THTPA: variants seen among roughly 807,000 people sequenced by gnomAD.
The protein encoded by THTPA is thiamine triphosphatase.
THTPA carries 16 observed loss-of-function variants against 16.5 expected under a neutral mutation model. The ratio of observed to expected loss-of-function variants is 0.97; its 90% CI spans 0.66 to 1.47. The LOEUF (loss-of-function observed/expected upper bound fraction) is 1.47. Among genes scored for constraint, THTPA ranks in the 40% most tolerant of loss-of-function variants. The probability of loss-of-function intolerance (pLI) is 0.00; values close to 1 mark genes in which losing one functional copy is unlikely to be tolerated. For missense variants in THTPA, 281 were observed against 280.9 expected (o/e 1.00, Z 0.00); for synonymous variants, 110 against 115.5 (o/e 0.95, Z 0.30).
At chr14:23,541,540 C>G in the THTPA span, among the ~76,000 whole-genome samples, 26 of 151,658 alleles carry the variant, frequency 1.7e-4, no homozygotes, top group Admixed American at 7.9e-4. Flanking sequence ...GCCCACCTCG[C>G]CCTCCCAAAG....
intron 1 of THTPA, among the ~76,000 whole-genome samples, chr14:23,557,780 A>C (rs1490965009): frequency 1.3e-5 from 2 of 150,514 alleles, no homozygotes; most frequent in Non-Finnish European, 3.0e-5. Flanking sequence ...TTCAGTCACC[A>C]CTCCTCCACA....
At chr14:23,522,609 G>A in the THTPA span, 4 of 1,532,270 alleles carry the variant, frequency 2.6e-6, no homozygotes, top group South Asian at 3.6e-5. Context: ...ACAGCTGGCG[G>A]TGCTGTTCCC....
the THTPA span, chr14:23,532,576 T>C: frequency 1.4e-6 from 2 of 1,441,708 alleles, no homozygotes; most frequent in South Asian, 2.9e-5. Flanking sequence ...CCTTATAGAT[T>C]TGGCTGTTTT....
the THTPA span, chr14:23,534,807 A>G: frequency 2.6e-6 from 4 of 1,536,040 alleles, no homozygotes; most frequent in African/African-American, 1.4e-5. This position sits in a 1 kb window ranked among gnomAD's most constrained non-coding sequence, Gnocchi z 4.5. Context: ...GGTCAAAGCC[A>G]TGTTGGATGT....
the THTPA span, chr14:23,532,601 C>T: frequency 1.4e-6 from 2 of 1,452,236 alleles, no homozygotes; most frequent in Non-Finnish European, 1.8e-6. Flanking sequence ...GTGGGCTGCA[C>T]CCCTGGCATG....
upstream of THTPA, among the ~76,000 whole-genome samples, chr14:23,552,603 G>T (rs1882060287): frequency 6.8e-6 from 1 of 147,452 alleles, no homozygotes; most frequent in Non-Finnish European, 1.5e-5. Context: ...CCGTTTTTTT[G>T]TTTGTTTGTT....
At chr14:23,534,980 A>G in the THTPA span, 1 of 1,536,130 alleles carries the variant, frequency 6.5e-7, no homozygotes, top group Non-Finnish European at 8.7e-7. This position sits in a 1 kb window ranked among gnomAD's most constrained non-coding sequence, Gnocchi z 4.5. Context: ...CCAGCTGTGA[A>G]GAATAAGTGG....
chr14:23,559,331 G>C lies in THTPA; in HGVS notation c.*491G>C. The C allele has an allele frequency of 4.3e-6, 1 of 231,268 alleles. No individual in the cohort carries two copies. The highest frequency in any genetic ancestry group is 8.7e-6 in the Non-Finnish European group (1 of 115,386). 14.3% of individuals were successfully genotyped at this position (231,268 alleles called of 1,614,324 possible). ...GTTAGAACTCTAGAAATTCTAATCT[G>C]ACTTTGCCACTGTGCCCAGCTCTGG... On this transcript the variant is annotated 3_prime_UTR_variant, in exon 2 of 2. Coordinates refer to ENST00000288014, the MANE Select transcript of THTPA (RefSeq NM_024328.6).
rs771887888 is a variant in THTPA at position 23,556,871 on chromosome 14, C to T, written c.114C>T (p.Thr38=). The change falls in exon 1 of 2, where the codon ACC becomes ACT. Residue 38 remains threonine (T), a synonymous_variant. Transcript: ENST00000288014. ...AGTACCGGGTCACCTTCCGAGACACCTACTATGACACCCCTGAGCTGAGCC... is the reference window on the plus strand; with the variant it reads ...AGTACCGGGTCACCTTCCGAGACACTTACTATGACACCCCTGAGCTGAGCC... The part of the protein sequence containing the change: ...TLEYRVTFRD[T]YYDTPELSLM... 4 of 1,613,282 alleles carry T rather than the reference C, an allele frequency of 2.5e-6. No individual in the cohort carries two copies. The South Asian group carries it at 4.4e-5, about 18-fold the overall frequency.
At chr14:23,537,249 A>G in the THTPA span, among the ~76,000 whole-genome samples, 1 of 151,162 alleles carries the variant, frequency 6.6e-6, no homozygotes, top group Non-Finnish European at 1.5e-5. Context: ...TTTCTAAATC[A>G]GGAACCTCCC....
intron 1 of THTPA, among the ~76,000 whole-genome samples, chr14:23,558,262 CTCT>C (rs1353968474): frequency 1.3e-5 from 2 of 152,238 alleles, no homozygotes; most frequent in African/African-American, 4.8e-5. Flanking sequence ...AGCTTCCCTC[CTCT>C]TCTTTCTATA....
upstream of THTPA, among the ~76,000 whole-genome samples, chr14:23,554,130 T>C (rs1595207374): frequency 1.4e-5 from 2 of 143,934 alleles, no homozygotes; most frequent in East Asian, 4.1e-4. Context: ...AAGCTGGGAG[T>C]CGACCTCAGG....
chr14:23,551,674 TCTCCTC>T (rs905883602), upstream of THTPA: 2 of 151,636 alleles, frequency 1.3e-5, no homozygotes, highest in Non-Finnish European at 2.9e-5. This position sits in a 1 kb window ranked among gnomAD's most constrained non-coding sequence, Gnocchi z 5.3. Context: ...TCCTCCTCCT[TCTCCTC>T]CTCGCCCTCC....
chr14:23,556,750 C>T lies in THTPA; in HGVS notation c.-8C>T, dbSNP rs992628752. On this transcript the variant is annotated 5_prime_UTR_variant, in exon 1 of 2. Transcript: ENST00000288014. ...CAGCAAACGTTTGTTCAGCCAATTG[C>T]AGGTAGCATGGCCCAGGGCTTGATT... The T allele has an allele frequency of 1.9e-6, 3 of 1,610,060 alleles. No homozygotes were observed. In the African/African-American group the frequency reaches 4.0e-5, roughly 22 times the overall value.
the THTPA span, chr14:23,530,653 T>C: frequency 1.1e-3 from 389 of 345,342 alleles, 3 homozygotes; most frequent in African/African-American, 8.0e-3. Flanking sequence ...GACAGATGTG[T>C]AGGAATTTAT....
the THTPA span, among the ~76,000 whole-genome samples, chr14:23,539,090 G>C: frequency 6.6e-6 from 1 of 152,312 alleles, no homozygotes; most frequent in East Asian, 1.9e-4. Flanking sequence ...TTAGTCTCCA[G>C]AGTTCCCTGC....
chr14:23,547,154 A>G, the THTPA span, among the ~76,000 whole-genome samples: 1 of 152,204 alleles, frequency 6.6e-6, no homozygotes, highest in African/African-American at 2.4e-5. Context: ...GAGTCTTTCA[A>G]CAATGGAGAG....
the THTPA span, chr14:23,533,593 G>A: frequency 3.3e-6 from 5 of 1,536,592 alleles, no homozygotes; most frequent in African/African-American, 4.1e-5. This position sits in a 1 kb window ranked among gnomAD's most constrained non-coding sequence, Gnocchi z 4.8. Context: ...GGAGATGTTT[G>A]TCTCGTAGCT....
At chr14:23,529,857 C>T in the THTPA span, 1 of 1,348,994 alleles carries the variant, frequency 7.4e-7, no homozygotes, top group Non-Finnish European at 1.0e-6. Flanking sequence ...GAGTTGGGCA[C>T]TAGAGAAAGG....
Sources: gnomAD v4.1 joint callset for allele counts (sites outside exome capture counted in the v4.1 genomes callset) on GRCh38, gnomAD v4.1.1 for gene constraint, Gnocchi (gnomAD v3.1) non-coding constraint, MANE v1.5 for transcripts, NCBI Gene and HGNC (gene_info 2026-07-23, HGNC 2026-07-21) for gene names.